Variants in ABLIM1 observed in about 807,000 individuals in gnomAD.
The protein encoded by ABLIM1 is actin binding LIM protein 1, also known as actin-binding LIM protein 1.
Under a neutral mutation model 107.0 loss-of-function variants are expected in ABLIM1, and 40 were observed. That is an observed-to-expected ratio of 0.37 (90% CI 0.29 to 0.49). The LOEUF is 0.49. Ranked by LOEUF, ABLIM1 falls within the 20% of genes least tolerant of loss-of-function variation. The pLI is 0.97. For missense variants in ABLIM1, 857 were observed against 1,008.5 expected, an observed-to-expected ratio of 0.85 and a Z score of 2.04; for synonymous variants, 357 against 357.3, an observed-to-expected ratio of 1.00 and a Z score of 0.01.
At chr10:114,500,683 GAAAAAAAAA>G (rs71007473) in intron 6 of ABLIM1, among the ~76,000 whole-genome samples, 1 of 52,564 alleles carries the variant, frequency 1.9e-5, no homozygotes, top group South Asian at 9.2e-4. Context: ...TGTGTCGAAA[GAAAAAAAAA>G]AAAAAAAAAG....
intron 10 of ABLIM1, among the ~76,000 whole-genome samples, chr10:114,468,773 C>T (rs1199468746): frequency 3.4e-5 from 5 of 148,980 alleles, no homozygotes; most frequent in South Asian, 2.3e-4. Context: ...ATGAATAGGC[C>T]GGGTGCGGTG....
chr10:114,792,500 A>G, the ABLIM1 span, among the ~76,000 whole-genome samples: 3 of 152,230 alleles, frequency 2.0e-5, no homozygotes, highest in Admixed American at 2.0e-4. Flanking sequence ...ATAAAGAAGT[A>G]GAATAAGGAA....
chr10:114,468,418 GCGC>G (rs1259792017), intron 10 of ABLIM1, among the ~76,000 whole-genome samples: 6 of 10,630 alleles, frequency 5.6e-4, no homozygotes, highest in East Asian at 0.2. Context: ...GGGACTACAG[GCGC>G]CGCCACCACC....
At chr10:114,749,483 C>CACACACACAT (rs540676948) in intron 1 of ABLIM1, among the ~76,000 whole-genome samples, 7,837 of 150,588 alleles carry the variant, frequency 0.052, 266 homozygotes, top group Non-Finnish European at 0.077. Context: ...CACACACACA[C>CACACACACAT]ACCACAAAAC....
rs5004708 is a variant in ABLIM1, at chr10:114,500,771, G to A, written c.895-8893C>T. Among the ~76,000 whole-genome samples the A allele has an allele frequency of 5.2e-3, 749 of 145,336 alleles. 1 individual carries two copies. The highest frequency in any genetic ancestry group is 0.018 in the African/African-American group (673 of 37,310). On this transcript the variant is annotated intron_variant, in intron 6 of 22. Coordinates refer to ENST00000533213, the MANE Select transcript of ABLIM1 (RefSeq NM_002313.7). ...GGGAAGGGAAGGGAAGGGAAGGGAAGGGAAGGGAAGGGAAGGGAAGGGAGC... is the reference window on the plus strand; with the variant it reads ...GGGAAGGGAAGGGAAGGGAAGGGAAAGGAAGGGAAGGGAAGGGAAGGGAGC...
At position 114,432,880 on chromosome 10, in the gene ABLIM1, T is replaced by G; in HGVS notation, c.*3380A>C. 1 of 152,208 alleles carries G rather than the reference T, an allele frequency of 6.6e-6. No individual in the cohort carries two copies. Among genetic ancestry groups the G allele is most frequent in the East Asian group, 1.9e-4 (1 of 5,200 alleles). 9.4% of individuals were successfully genotyped at this position (152,208 alleles called of 1,614,324 possible). On this transcript the variant is annotated 3_prime_UTR_variant, in exon 23 of 23. Transcript: ENST00000533213. ...ATGTGAAGTTATTGAACACGTCATA[T>G]TAAGAACATTTCATAACTAACCCCA...
chr10:114,543,680 C>T (rs1217345080), intron 6 of ABLIM1, among the ~76,000 whole-genome samples: 1 of 152,216 alleles, frequency 6.6e-6, no homozygotes, highest in Non-Finnish European at 1.5e-5. Context: ...ACAAGCAGTT[C>T]AATGGCTTCC....
chr10:114,765,360 TA>T lies in ABLIM1; in HGVS notation c.-213+2700del, dbSNP rs201820756. Among the ~76,000 whole-genome samples the T allele has an allele frequency of 2.4e-3, 281 of 119,212 alleles. 1 individual carries two copies. Among genetic ancestry groups the T allele is most frequent in the East Asian group, 0.015 (74 of 4,958 alleles). The allele number at this position is 119,212 out of a possible 152,430, so 78.2% of individuals were successfully genotyped here. A position where few individuals can be genotyped will look rare whatever the true frequency, so the allele number is the denominator to read the frequency against. ...CACTGCGCCCGGCCATTTTCAACTATAAAAAAAAAAAATATTCTATTATTCC... is the reference window on the plus strand; with the variant it reads ...CACTGCGCCCGGCCATTTTCAACTATAAAAAAAAAAATATTCTATTATTCC... On this transcript the variant is annotated intron_variant, in intron 1 of 15. Transcript: ENST00000651092.
chr10:114,682,885 C>T (rs183057798), intron 1 of ABLIM1, among the ~76,000 whole-genome samples: 1 of 152,288 alleles, frequency 6.6e-6, no homozygotes, highest in Admixed American at 6.5e-5. Context: ...AAAACCTGCC[C>T]TATCTTTCTG....
intron 6 of ABLIM1, among the ~76,000 whole-genome samples, chr10:114,511,900 T>C (rs529171232): frequency 6.6e-6 from 1 of 152,328 alleles, no homozygotes; most frequent in South Asian, 2.1e-4. Context: ...AAGGTCTTGC[T>C]CTGCAGTTCC....
rs200196458 is a variant in ABLIM1, at chr10:114,651,697, AT to A, written c.244+6259del. ...ATTGGTAACTATAAATAAAAAAAAA[AT>A]GCAAACTATCTAATGCTTTCCCAAA... On this transcript the variant is annotated intron_variant, in intron 1 of 22. Coordinates refer to ENST00000533213, the MANE Select transcript of ABLIM1 (RefSeq NM_002313.7). 2.1e-3 allele frequency among the ~76,000 whole-genome samples: 313 copies of A among 152,130 alleles called. 8 individuals are homozygous for A. The East Asian group carries it at 0.052, about 25-fold the overall frequency.
At chr10:114,570,973 T>C (rs1015013406) in intron 4 of ABLIM1, among the ~76,000 whole-genome samples, 1 of 152,188 alleles carries the variant, frequency 6.6e-6, no homozygotes, top group Non-Finnish European at 1.5e-5. Context: ...TCTACATTCC[T>C]ACCAACAGTG....
intron 11 of ABLIM1, among the ~76,000 whole-genome samples, chr10:114,467,435 T>C (rs928801573): frequency 1.3e-4 from 20 of 152,282 alleles, no homozygotes; most frequent in African/African-American, 2.9e-4. Flanking sequence ...TCAGTAACCA[T>C]AGCTTTGTGG....
intron 6 of ABLIM1, among the ~76,000 whole-genome samples, chr10:114,504,877 T>C (rs2060917828): frequency 6.6e-6 from 1 of 152,232 alleles, no homozygotes; most frequent in Admixed American, 6.5e-5. Context: ...CTGCCTAGCT[T>C]GCAAGGTTGC....
chr10:114,667,202 G>T (rs73362073), intron 1 of ABLIM1, among the ~76,000 whole-genome samples: 32 of 152,128 alleles, frequency 2.1e-4, no homozygotes, highest in Non-Finnish European at 4.1e-4. Flanking sequence ...AGGTAGCGGG[G>T]TGCAAGATTT....
the ABLIM1 span, among the ~76,000 whole-genome samples, chr10:114,790,319 A>AT: frequency 2.0e-5 from 3 of 151,192 alleles, no homozygotes; most frequent in African/African-American, 7.3e-5. Flanking sequence ...GATTGTGATT[A>AT]ATTAATACAT....
the ABLIM1 span, among the ~76,000 whole-genome samples, chr10:114,792,351 G>A: frequency 6.6e-6 from 1 of 152,182 alleles, no homozygotes; most frequent in Non-Finnish European, 1.5e-5. Context: ...CAAGGACACA[G>A]AGTGAATGGT....
In ABLIM1 at chr10:114,692,681, A is replaced by T. The variant is rs148164643; in HGVS notation, c.-213+75380T>A. 7.9e-3 allele frequency among the ~76,000 whole-genome samples: 1,209 copies of T among 152,214 alleles called. 10 individuals carry two copies. Among genetic ancestry groups the T allele is most frequent in the African/African-American group, 0.028 (1,167 of 41,534 alleles). On this transcript the variant is annotated intron_variant, in intron 1 of 15. Coordinates refer to the ABLIM1 transcript ENST00000651092. ...CCAAGGCGGGCAGATCACAAGGTCA[A>T]GAGTTTGAGACCAGCCTGGCCAATA...
chr10:114,497,442 G>A (rs1237747105), intron 6 of ABLIM1, among the ~76,000 whole-genome samples: 1 of 149,426 alleles, frequency 6.7e-6, no homozygotes, highest in African/African-American at 2.5e-5. Context: ...CACTTTGGGA[G>A]GCCGAGGCGG....
Sources: allele counts gnomAD v4.1 joint callset (sites outside exome capture counted in the v4.1 genomes callset), GRCh38; gene constraint gnomAD v4.1.1; transcripts MANE v1.5; gene names NCBI Gene and HGNC (gene_info 2026-07-23, HGNC 2026-07-21).